VWF: variants seen among roughly 807,000 people sequenced by gnomAD.
VWF encodes von Willebrand factor.
VWF carries 176 observed loss-of-function variants against 308.6 expected under a neutral mutation model. The observed-to-expected ratio is 0.57, with a 90% CI of 0.50 to 0.65. VWF has a LOEUF of 0.65. Among genes scored for constraint, VWF ranks in the 30% least tolerant of loss-of-function variants. The probability of loss-of-function intolerance (pLI) is 0.00; values close to 1 mark genes in which losing one functional copy is unlikely to be tolerated. For missense variants in VWF, 3,146 were observed against 3,648.2 expected, an observed-to-expected ratio of 0.86 and a Z score of 3.55; for synonymous variants, 1,385 against 1,443.4, an observed-to-expected ratio of 0.96 and a Z score of 0.92.
At chr12:6,084,438 G>A (rs1369462491) in intron 6 of VWF, among the ~76,000 whole-genome samples, 12 of 152,176 alleles carry the variant, frequency 7.9e-5, no homozygotes, top group Admixed American at 7.2e-4. Context: ...TGCCTGGGTT[G>A]GTGTGCAGGC....
chr12:6,087,612 G>A (rs7295164), intron 6 of VWF, among the ~76,000 whole-genome samples: 2,621 of 150,990 alleles, frequency 0.017, 73 homozygotes, highest in African/African-American at 0.061. Context: ...TGATCCGCCC[G>A]CCTCGGCCTC....
intron 6 of VWF, among the ~76,000 whole-genome samples, chr12:6,089,141 G>A (rs1040513468): frequency 1.5e-4 from 23 of 152,120 alleles, no homozygotes; most frequent in African/African-American, 4.8e-4. Flanking sequence ...TTACCAGACC[G>A]GACTTCTGAA....
At chr12:6,036,348 A>G (rs1944335857) in intron 19 of VWF, 40 bp downstream of exon 19, 2 of 1,598,880 alleles carry the variant, frequency 1.3e-6, no homozygotes, top group East Asian at 2.2e-5. Flanking sequence ...CTCCACCCGC[A>G]GGGCCTGGGT....
intron 15 of VWF, among the ~76,000 whole-genome samples, chr12:6,054,713 C>T (rs1380908292): frequency 6.6e-6 from 1 of 152,218 alleles, no homozygotes; most frequent in African/African-American, 2.4e-5. Flanking sequence ...TGCTTCTCAT[C>T]AATCTCCTCA....
Position 6,110,519 on chromosome 12 carries a change from C to G in VWF, c.387G>C (p.Leu129=). Residue 129 remains leucine, a synonymous_variant, in exon 5 of 52, where the codon CTG becomes CTC. Coordinates refer to ENST00000261405, the MANE Select transcript of VWF (RefSeq NM_000552.5). ...YLETEAGYYK[L]SGEAYGFVAR... is the part of the protein sequence containing the mutation. ...CCACAAAGCCATAGGCCTCACCGGA[C>G]AGCTTGTAGTACCCAGCCTCAGTTT... is the stretch of plus-strand genomic sequence containing the variant. The G allele has an allele frequency of 1.2e-6, 2 of 1,614,182 alleles. No homozygotes were observed. Among genetic ancestry groups the G allele is most frequent in the South Asian group, 2.2e-5 (2 of 91,088 alleles).
chr12:5,980,051 A>G (rs1321928249), intron 42 of VWF, among the ~76,000 whole-genome samples: 2 of 149,054 alleles, frequency 1.3e-5, no homozygotes, highest in African/African-American at 5.0e-5. Flanking sequence ...AAAAAAAAAA[A>G]AGAAGAACGA....
At chr12:6,038,775 A>G (rs1944365761) in intron 18 of VWF, among the ~76,000 whole-genome samples, 1 of 152,264 alleles carries the variant, frequency 6.6e-6, no homozygotes, top group African/African-American at 2.4e-5. Flanking sequence ...ACTGCTATGA[A>G]GGCCACAGTG....
At chr12:5,955,322 T>G (rs1943235164) in intron 47 of VWF, among the ~76,000 whole-genome samples, 2 of 152,002 alleles carry the variant, frequency 1.3e-5, no homozygotes, top group Non-Finnish European at 2.9e-5. Flanking sequence ...ACCCATTAAC[T>G]CGTCATTTAG....
chr12:6,077,310 G>A lies in VWF; in HGVS notation c.658-1759C>T, dbSNP rs368478045. 1.7e-3 allele frequency among the ~76,000 whole-genome samples: 265 copies of A among 152,284 alleles called. 2 individuals are homozygous for A. The highest frequency in any genetic ancestry group is 5.8e-3 in the African/African-American group (242 of 41,558). ...AGCCTGGGTGACAGAGCGAGACCCT[G>A]TCTCAAAAAACAAGCCGGGTTCTCT... On this transcript the variant is annotated intron_variant, in intron 6 of 51. Transcript: ENST00000261405.
chr12:6,037,957 C>T (rs538632043), intron 18 of VWF, among the ~76,000 whole-genome samples: 31 of 152,324 alleles, frequency 2.0e-4, no homozygotes, highest in Admixed American at 7.8e-4. Context: ...TTAATGTCAT[C>T]TTCACCCAAC....
chr12:6,103,366 A>ATGTG (rs372921016), intron 5 of VWF, among the ~76,000 whole-genome samples: 14 of 142,396 alleles, frequency 9.8e-5, no homozygotes, highest in Non-Finnish European at 1.5e-4. Context: ...ATACATATAT[A>ATGTG]TGTGTGTGTG....
intron 19 of VWF, 147 bp from the exon 20 acceptor site, chr12:6,034,973 T>C: frequency 2.0e-6 from 2 of 978,254 alleles, no homozygotes; most frequent in African/African-American, 1.6e-5. Flanking sequence ...ACCTGTAGCG[T>C]GGAGTGTGGA....
chr12:5,994,712 A>G, intron 35 of VWF, 105 bp from the exon 36 acceptor site: 1 of 948,124 alleles, frequency 1.1e-6, no homozygotes, highest in South Asian at 1.4e-5. Flanking sequence ...CTCAACTGCA[A>G]CATCAGCCAC....
intron 40 of VWF, among the ~76,000 whole-genome samples, chr12:5,983,461 T>G (rs1943632908): frequency 1.8e-5 from 2 of 111,802 alleles, no homozygotes; most frequent in Admixed American, 9.9e-5. Context: ...ATGAGATAGA[T>G]TTGATAGATA....
At chr12:6,068,682 G>A (rs1395635269) in intron 10 of VWF, among the ~76,000 whole-genome samples, 2 of 151,992 alleles carry the variant, frequency 1.3e-5, no homozygotes, top group Non-Finnish European at 2.9e-5. Context: ...GTATAGACAG[G>A]GTTTCACCAT....
intron 38 of VWF, among the ~76,000 whole-genome samples, chr12:5,991,221 G>A (rs796804881): frequency 2.5e-4 from 36 of 145,008 alleles, no homozygotes; most frequent in African/African-American, 8.4e-4. Context: ...GCACACACAC[G>A]CTCCATGATC....
intron 13 of VWF, 32 bp downstream of exon 13, chr12:6,062,922 G>A (rs192024121): frequency 1.3e-5 from 20 of 1,578,146 alleles, no homozygotes; most frequent in Admixed American, 6.8e-5. Flanking sequence ...GGGTCGGGCC[G>A]CAGGGAGCCA....
At chr12:5,998,788 C>T (rs769563626) in intron 34 of VWF, among the ~76,000 whole-genome samples, 10 of 152,008 alleles carry the variant, frequency 6.6e-5, no homozygotes, top group South Asian at 4.1e-4. Context: ...AGCGCAATGG[C>T]GCGATCTTGG....
intron 47 of VWF, among the ~76,000 whole-genome samples, chr12:5,958,450 A>T (rs955859647): frequency 4.2e-4 from 64 of 152,322 alleles, no homozygotes; most frequent in African/African-American, 1.5e-3. Flanking sequence ...CACTTTGGGA[A>T]GCCCAGATAG....
Sources: gnomAD v4.1 joint callset for allele counts (sites outside exome capture counted in the v4.1 genomes callset) on GRCh38, gnomAD v4.1.1 for gene constraint, MANE v1.5 for transcripts, NCBI Gene and HGNC (gene_info 2026-07-23, HGNC 2026-07-21) for gene names.